HMGXB4: variants seen among roughly 807,000 people sequenced by gnomAD.
HMGXB4 encodes the protein HMG-box containing 4, also known as HMG domain-containing protein 4.
A neutral mutation model predicts 63.9 loss-of-function variants in HMGXB4; 27 were observed. That is an observed-to-expected ratio of 0.42 (90% CI 0.31 to 0.58). The LOEUF (loss-of-function observed/expected upper bound fraction) is 0.58, where lower values mean the gene tolerates loss of function less well. Among genes scored for constraint, HMGXB4 ranks in the 20% least tolerant of loss-of-function variants. HMGXB4 has a pLI of 0.13. For missense variants in HMGXB4, 624 were observed against 700.7 expected, an observed-to-expected ratio of 0.89 and a Z score of 1.24; for synonymous variants, 264 against 265.3, an observed-to-expected ratio of 0.99 and a Z score of 0.05.
chr22:35,262,248 C>A lies in HMGXB4; in HGVS notation c.-68-75C>A, dbSNP rs929653882. 13 of 794,870 alleles carry A rather than the reference C, an allele frequency of 1.6e-5. No individual in the cohort carries two copies. The African/African-American group carries it at 2.2e-4, about 14-fold the overall frequency. 49.2% of individuals were successfully genotyped at this position (794,870 alleles called of 1,614,324 possible). ...CTTCCAGTCAGCCCTTGGATCACTG[C>A]GCATTTCCATCTGGAAGGTTGCTTC... On this transcript the variant is annotated intron_variant, in intron 1 of 10. Transcript: ENST00000216106.
At chr22:35,271,896 C>T (rs1923627459) in intron 5 of HMGXB4, among the ~76,000 whole-genome samples, 1 of 152,186 alleles carries the variant, frequency 6.6e-6, no homozygotes, top group Admixed American at 6.5e-5. Flanking sequence ...GCAACTACCA[C>T]ATTGAAAACC....
rs61755715 is a variant in HMGXB4 at position 35,262,414 on chromosome 22, G to C, written c.24G>C (p.Lys8Asn). The change falls in exon 2 of 11, where the codon AAG becomes AAC. Residue 8 changes from lysine to asparagine, a missense_variant. Coordinates refer to ENST00000216106, the MANE Select transcript of HMGXB4 (RefSeq NM_001003681.3). ...CCATGGCTTATGATGACTCCGTGAA[G>C]AAAGAAGGTATGACCCCATAATCTG... MAYDDSV[K>N]KEDCFDGDHT... 224 of 1,613,882 alleles carry C rather than the reference G, an allele frequency of 1.4e-4. No homozygotes were observed. The highest frequency in any genetic ancestry group is 1.8e-4 in the Non-Finnish European group (215 of 1,179,858).
chr22:35,287,632 G>A (rs1924674419), intron 8 of HMGXB4, among the ~76,000 whole-genome samples, 180 bp downstream of exon 8: 1 of 152,176 alleles, frequency 6.6e-6, no homozygotes, highest in Non-Finnish European at 1.5e-5. Context: ...CAAATCAGAA[G>A]TCAGCAAACT....
chr22:35,283,626 C>T (rs1159408041), intron 5 of HMGXB4, among the ~76,000 whole-genome samples: 1 of 152,122 alleles, frequency 6.6e-6, no homozygotes, highest in Non-Finnish European at 1.5e-5. Flanking sequence ...CCCATCTCTA[C>T]TAAAAATACA....
intron 2 of HMGXB4, 176 bp from the exon 3 acceptor site, chr22:35,262,902 C>A: frequency 1.6e-6 from 1 of 633,738 alleles, no homozygotes; most frequent in Non-Finnish European, 2.7e-6. Context: ...GTATTTGCAG[C>A]TAGGTCATCA....
Position 35,265,243 on chromosome 22 carries a change from A to G in HMGXB4, c.855A>G (p.Ser285=), listed in dbSNP as rs777293019. The G allele has an allele frequency of 6.2e-7, 1 of 1,614,148 alleles. No homozygotes were observed. ...CCCACAGTGCTAACCTTGATCTTTC[A>G]GGGCTTGAACCTATTCTGGTAGAAT... ...AESHSANLDL[S]GLEPILVESD... Residue 285 remains serine, a synonymous_variant, in exon 5 of 11, where the codon TCA becomes TCG. Transcript: ENST00000216106.
chr22:35,276,294 G>A (rs1401311966), intron 5 of HMGXB4, among the ~76,000 whole-genome samples: 1 of 152,210 alleles, frequency 6.6e-6, no homozygotes, highest in African/African-American at 2.4e-5. Flanking sequence ...TTCTAGTGCA[G>A]CTAGATTTTT....
intron 2 of HMGXB4, 73 bp from the exon 3 acceptor site, chr22:35,263,005 A>G (rs754147563): frequency 1.9e-4 from 256 of 1,367,614 alleles, no homozygotes; most frequent in Non-Finnish European, 2.5e-4. Context: ...CTGTTGCATT[A>G]CCTGCATGAC....
upstream of HMGXB4, among the ~76,000 whole-genome samples, chr22:35,255,652 A>C (rs1922364601): frequency 6.6e-6 from 1 of 152,270 alleles, no homozygotes. Context: ...TCAAAGGACC[A>C]GCTTGAGTTA....
upstream of HMGXB4, among the ~76,000 whole-genome samples, chr22:35,254,968 GCTA>G (rs1445636536): frequency 6.6e-6 from 1 of 152,162 alleles, no homozygotes; most frequent in Non-Finnish European, 1.5e-5. Flanking sequence ...TGTGGGGACA[GCTA>G]CTGTTTTTGC....
At chr22:35,255,196 G>T (rs1922338165), upstream of HMGXB4, among the ~76,000 whole-genome samples, 1 of 152,060 alleles carries the variant, frequency 6.6e-6, no homozygotes, top group Non-Finnish European at 1.5e-5. Flanking sequence ...AAGCAAAAGG[G>T]AAAAAGAAAC....
At chr22:35,258,838 C>T (rs902957051) in intron 1 of HMGXB4, among the ~76,000 whole-genome samples, 1 of 152,182 alleles carries the variant, frequency 6.6e-6, no homozygotes, top group African/African-American at 2.4e-5. Context: ...ACATGGCTCT[C>T]ATCCTGGAAC....
chr22:35,287,236 C>A, intron 7 of HMGXB4, 111 bp from the exon 8 acceptor site: 1 of 801,116 alleles, frequency 1.2e-6, no homozygotes, highest in Non-Finnish European at 2.1e-6. Context: ...CCTCTGTCTG[C>A]CCGCCTCTTA....
intron 5 of HMGXB4, among the ~76,000 whole-genome samples, chr22:35,277,181 A>G (rs1253115766): frequency 2.6e-5 from 4 of 152,208 alleles, no homozygotes; most frequent in South Asian, 2.1e-4. Flanking sequence ...CCGAGGCTCA[A>G]GCTCATTCAA....
chr22:35,261,077 ATATT>A (rs1922813605), intron 1 of HMGXB4, among the ~76,000 whole-genome samples: 1 of 152,232 alleles, frequency 6.6e-6, no homozygotes, highest in Non-Finnish European at 1.5e-5. Flanking sequence ...CATTTCCAAA[ATATT>A]TAATATGTAA....
At position 35,265,178 on chromosome 22, in the gene HMGXB4, CCTGAAGGCTGTGGGT is replaced by C. The variant is rs1312069392; in HGVS notation, c.795_809del (p.Glu265_Ser269del). ...CTCAGACGCACATTCATCTCCTGGC[CCTGAAGGCTGTGGGT>C]CTGACGCCTCCCAGTTCGCAGAGTC... On this transcript the variant is annotated inframe_deletion, in exon 5 of 11. Transcript: ENST00000216106. 1 of 1,613,970 alleles carries C rather than the reference CCTGAAGGCTGTGGGT, an allele frequency of 6.2e-7. No homozygotes were observed. Among genetic ancestry groups the C allele is most frequent in the African/African-American group, 1.3e-5 (1 of 74,980 alleles).
At chr22:35,266,914 G>A (rs1923286932) in intron 5 of HMGXB4, among the ~76,000 whole-genome samples, 1 of 152,148 alleles carries the variant, frequency 6.6e-6, no homozygotes, top group Admixed American at 6.5e-5. Flanking sequence ...AGCCCAAGAG[G>A]TGGAGGCTAC....
chr22:35,252,793 A>G (rs755511484), upstream of HMGXB4, among the ~76,000 whole-genome samples: 1 of 152,146 alleles, frequency 6.6e-6, no homozygotes, highest in Non-Finnish European at 1.5e-5. Context: ...CATGAGGTCA[A>G]GAGTTCGAGA....
Position 35,264,932 on chromosome 22 carries a change from C to G in HMGXB4, c.544C>G (p.Leu182Val). The G allele has an allele frequency of 1.2e-6, 2 of 1,614,188 alleles. No homozygotes were observed. The highest frequency in any genetic ancestry group is 1.7e-6 in the Non-Finnish European group (2 of 1,180,036). The change falls in exon 5 of 11, where the codon CTG (leucine) becomes GTG (valine). Residue 182 changes from leucine to valine, a missense_variant. Physicochemically the swap from Leu to Val is conservative, Grantham distance 32. Around this residue, in one of 2 missense-constraint regions of HMGXB4, gnomAD observed 472 missense variants for 470.6 expected, o/e 1.00. Coordinates refer to ENST00000216106, the MANE Select transcript of HMGXB4 (RefSeq NM_001003681.3). ...MKPLYVNTET[L>V]TLREPDGLKM... ...ACCTCTCTATGTGAACACAGAGACA[C>G]TGACCCTTCGGGAGCCTGATGGTTT...
Sources: gnomAD v4.1 joint callset for allele counts (sites outside exome capture counted in the v4.1 genomes callset) on GRCh38, gnomAD v4.1.1 for gene constraint, gnomAD v4.1.1 regional missense constraint, MANE v1.5 for transcripts, NCBI Gene and HGNC (gene_info 2026-07-23, HGNC 2026-07-21) for gene names.